Variants in BCKDK observed in about 807,000 individuals in gnomAD.
The protein encoded by BCKDK is branched chain keto acid dehydrogenase kinase.
Under a neutral mutation model 43.9 loss-of-function variants are expected in BCKDK, and 28 were observed. The observed-to-expected ratio is 0.64, with a 90% CI of 0.47 to 0.87. The LOEUF is 0.87. BCKDK is among the 40% of genes least tolerant of loss of function. The pLI is 0.00. For missense variants in BCKDK, 483 were observed against 581.4 expected, an observed-to-expected ratio of 0.83 and a Z score of 1.74; for synonymous variants, 257 against 234.3, an observed-to-expected ratio of 1.10 and a Z score of -0.88.
Position 31,112,021 on chromosome 16 carries a change from T to C in BCKDK, c.1088T>C (p.Met363Thr). 1.9e-6 allele frequency: 3 copies of C among 1,613,980 alleles called. No homozygotes were observed. Among genetic ancestry groups the C allele is most frequent in the Non-Finnish European group, 2.5e-6 (3 of 1,179,992 alleles). Residue 363 changes from methionine (M) to threonine (T), a missense_variant, in exon 11 of 12, where the codon ATG (methionine) becomes ACG (threonine). Met to Thr is a moderately conservative substitution (Grantham distance 81, BLOSUM62 -1). Transcript: ENST00000219794. The surrounding 1 kb of genome is among the most constrained non-coding windows in gnomAD (Gnocchi z 5.0). ...DMHSGAQSGP[M>T]HGFGFGLPTS... The stretch of plus-strand genomic sequence containing the variant: ...CATAGTGGCGCCCAGTCAGGACCCA[T>C]GCACGGGTGAGACCCTGCCAGGCCA...
Position 31,112,696 on chromosome 16 carries a change from G to C in BCKDK, c.*431G>C. On this transcript the variant is annotated 3_prime_UTR_variant, in exon 12 of 12. Coordinates refer to ENST00000219794, the MANE Select transcript of BCKDK (RefSeq NM_005881.4). This position sits in a 1 kb window ranked among gnomAD's most constrained non-coding sequence, Gnocchi z 5.0. ...CTGCCCTGAGAGCCTGGCAGGCCAGGAGTAGAATGGGTCCCAAGTCTGTTG... is the reference window on the plus strand; with the variant it reads ...CTGCCCTGAGAGCCTGGCAGGCCAGCAGTAGAATGGGTCCCAAGTCTGTTG... 2.9e-6 allele frequency: 1 copy of C among 344,816 alleles called. No homozygotes were observed. Among genetic ancestry groups the C allele is most frequent in the Non-Finnish European group, 5.6e-6 (1 of 178,652 alleles). The allele number at this position is 344,816 out of a possible 1,614,324, so 21.4% of individuals were successfully genotyped here. A position where few individuals can be genotyped will look rare whatever the true frequency, so the allele number is the denominator to read the frequency against.
Position 31,109,545 on chromosome 16 carries a change from AC to A in BCKDK, c.231del (p.Tyr77Ter). 1.9e-6 allele frequency: 3 copies of A among 1,614,072 alleles called. No individual in the cohort carries two copies. Among genetic ancestry groups the A allele is most frequent in the Non-Finnish European group, 2.5e-6 (3 of 1,180,006 alleles). On this transcript the variant is annotated frameshift_variant, in exon 3 of 12. Coordinates refer to ENST00000219794, the MANE Select transcript of BCKDK (RefSeq NM_005881.4). LOFTEE classifies it high-confidence loss of function. This position sits in a 1 kb window ranked among gnomAD's most constrained non-coding sequence, Gnocchi z 5.3. ...SVRLTPTMML[Y>X]AGRSQDGSHL... Reference sequence around the variant, plus strand: ...CGCCTAACGCCCACCATGATGCTCTACGCTGGCCGCTCTCAGGACGGCAGCC... The same window carrying A: ...CGCCTAACGCCCACCATGATGCTCTAGCTGGCCGCTCTCAGGACGGCAGCC...
Position 31,110,676 on chromosome 16 carries a change from T to C in BCKDK, c.643-12T>C. 2 of 1,614,018 alleles carry C rather than the reference T, an allele frequency of 1.2e-6. No individual in the cohort carries two copies. The highest frequency in any genetic ancestry group is 1.7e-6 in the Non-Finnish European group (2 of 1,179,954). The stretch of plus-strand genomic sequence containing the variant: ...GGGGCGTGGGTAGTCCTGACCTCCT[T>C]TCTCCGGCCAGCCTGACTTTGTCGG... On this transcript the variant is annotated splice_polypyrimidine_tract_variant and intron_variant, in intron 7 of 11. Coordinates refer to ENST00000219794, the MANE Select transcript of BCKDK (RefSeq NM_005881.4). The surrounding 1 kb of genome is among the most constrained non-coding windows in gnomAD (Gnocchi z 5.4).
Position 31,111,960 on chromosome 16 carries a change from C to G in BCKDK, c.1027C>G (p.Pro343Ala). The G allele has an allele frequency of 6.2e-7, 1 of 1,614,124 alleles. No individual in the cohort carries two copies. The highest frequency in any genetic ancestry group is 8.5e-7 in the Non-Finnish European group (1 of 1,180,030). ...FTTAEASTQD[P>A]RISPLFGHLD... ...TACTGCTGAGGCCAGCACACAGGAC[C>G]CCCGGATCAGCCCCCTCTTTGGCCA... is the stretch of plus-strand genomic sequence containing the variant. The change falls in exon 11 of 12, where the codon CCC becomes GCC. Residue 343 changes from proline (P) to alanine (A), a missense_variant. By Grantham distance (27) the Pro-to-Ala change is conservative (BLOSUM62 -1). Coordinates refer to ENST00000219794, the MANE Select transcript of BCKDK (RefSeq NM_005881.4).
chr16:31,111,971 C>G lies in BCKDK; in HGVS notation c.1038C>G (p.Ser346Arg). Residue 346 changes from serine to arginine, a missense_variant, in exon 11 of 12, where the codon AGC becomes AGG. By Grantham distance (110) the Ser-to-Arg change is moderately radical. Coordinates refer to ENST00000219794, the MANE Select transcript of BCKDK (RefSeq NM_005881.4). Reference protein sequence around the residue: ...AEASTQDPRISPLFGHLDMHS... With the variant: ...AEASTQDPRIRPLFGHLDMHS... ...CCAGCACACAGGACCCCCGGATCAG[C>G]CCCCTCTTTGGCCATCTGGACATGC... 5 of 1,614,148 alleles carry G rather than the reference C, an allele frequency of 3.1e-6. No homozygotes were observed. The highest frequency in any genetic ancestry group is 4.2e-6 in the Non-Finnish European group (5 of 1,180,024).
Position 31,112,642 on chromosome 16 carries a change from T to C in BCKDK, c.*377T>C. The C allele has an allele frequency of 2.6e-6, 1 of 380,278 alleles. No homozygotes were observed. The highest frequency in any genetic ancestry group is 5.1e-6 in the Non-Finnish European group (1 of 197,928). 23.6% of individuals were successfully genotyped at this position (380,278 alleles called of 1,614,324 possible). ...CATTCAGGTTCACTGAGCCCTTGGG[T>C]TGAACTGGTTCGTGTCCCAGTCTCT... On this transcript the variant is annotated 3_prime_UTR_variant, in exon 12 of 12. Coordinates refer to ENST00000219794, the MANE Select transcript of BCKDK (RefSeq NM_005881.4). The surrounding 1 kb of genome is among the most constrained non-coding windows in gnomAD (Gnocchi z 5.0).
chr16:31,112,941 C>T (rs1340763825), downstream of BCKDK: 1 of 163,384 alleles, frequency 6.1e-6, no homozygotes, highest in Admixed American at 5.6e-5. The surrounding 1 kb of genome is among the most constrained non-coding windows in gnomAD (Gnocchi z 5.0). Flanking sequence ...CTTCCCAAGC[C>T]TGAGTAGGTT....
In BCKDK at chr16:31,111,379, C is replaced by G. The variant is rs1376296263; in HGVS notation, c.925C>G (p.Leu309Val). ...VITIANNDVDLIIRISDRGGG... is the reference protein window; with the variant it reads ...VITIANNDVDVIIRISDRGGG... ...CACCATCGCCAACAATGATGTCGAT[C>G]TGATCATCAGGTTTGCCCTGAGTGG... Residue 309 changes from leucine to valine, a missense_variant, in exon 10 of 12, where the codon CTG becomes GTG. Physicochemically the swap from Leu to Val is conservative, Grantham distance 32. Transcript: ENST00000219794. 1 of 1,613,990 alleles carries G rather than the reference C, an allele frequency of 6.2e-7. No individual in the cohort carries two copies. Among genetic ancestry groups the G allele is most frequent in the African/African-American group, 1.3e-5 (1 of 74,930 alleles).
At position 31,109,883 on chromosome 16, in the gene BCKDK, TCAGGGCCACA is replaced by T; in HGVS notation, c.375+105_375+114del. Reference sequence around the variant, plus strand: ...GCAGACGATTGCTTGCCTAAAGGTGTCAGGGCCACACAGGATTCAACCCCAGGCCTTCAGA... The same window carrying T: ...GCAGACGATTGCTTGCCTAAAGGTGTCAGGATTCAACCCCAGGCCTTCAGA... On this transcript the variant is annotated intron_variant, in intron 4 of 11. Transcript: ENST00000219794. This position sits in a 1 kb window ranked among gnomAD's most constrained non-coding sequence, Gnocchi z 5.3. 7.1e-7 allele frequency: 1 copy of T among 1,412,034 alleles called. No homozygotes were observed. Among genetic ancestry groups the T allele is most frequent in the Non-Finnish European group, 9.9e-7 (1 of 1,005,986 alleles). The allele number at this position is 1,412,034 out of a possible 1,614,324, so 87.5% of individuals were successfully genotyped here.
chr16:31,113,128 A>G (rs1389636360), downstream of BCKDK, among the ~76,000 whole-genome samples: 8 of 152,246 alleles, frequency 5.3e-5, no homozygotes, highest in African/African-American at 1.9e-4. Context: ...AGAACTCCAG[A>G]TGACATCTTA....
At chr16:31,116,160 C>A (rs1226442483), downstream of BCKDK, among the ~76,000 whole-genome samples, 2 of 151,772 alleles carry the variant, frequency 1.3e-5, no homozygotes. Context: ...TCGTGATCCA[C>A]CCGCCTAGGC....
In BCKDK at chr16:31,112,489, T is replaced by G; in HGVS notation, c.*224T>G. 1.5e-6 allele frequency: 1 copy of G among 675,230 alleles called. No individual in the cohort carries two copies. The highest frequency in any genetic ancestry group is 2.6e-6 in the Non-Finnish European group (1 of 386,854). The allele number at this position is 675,230 out of a possible 1,614,324, so 41.8% of individuals were successfully genotyped here. On this transcript the variant is annotated 3_prime_UTR_variant, in exon 12 of 12. Coordinates refer to ENST00000219794, the MANE Select transcript of BCKDK (RefSeq NM_005881.4). The surrounding 1 kb of genome is among the most constrained non-coding windows in gnomAD (Gnocchi z 5.0). ...GCAGGGAAGTGGGCACCCTGAGGCC[T>G]CCAGCACCAGTTCCGTCATTCTCGT...
At position 31,110,415 on chromosome 16, in the gene BCKDK, C is replaced by A; in HGVS notation, c.558C>A (p.Val186=). ...ACTCTTTACAGGATGAAAAGCTCGT[C>A]CGCTACTTCTTGGACAAGACGCTGA... ...SRKHIEDEKL[V]RYFLDKTLTS... is the part of the protein sequence containing the mutation. The change falls in exon 7 of 12, where the codon GTC becomes GTA. Residue 186 remains valine, a synonymous_variant. Coordinates refer to ENST00000219794, the MANE Select transcript of BCKDK (RefSeq NM_005881.4). This position sits in a 1 kb window ranked among gnomAD's most constrained non-coding sequence, Gnocchi z 5.4. 6.2e-7 allele frequency: 1 copy of A among 1,613,928 alleles called. No homozygotes were observed. Among genetic ancestry groups the A allele is most frequent in the Non-Finnish European group, 8.5e-7 (1 of 1,180,008 alleles).
At position 31,110,423 on chromosome 16, in the gene BCKDK, T is replaced by G; in HGVS notation, c.566T>G (p.Phe189Cys). The stretch of plus-strand genomic sequence containing the variant: ...CAGGATGAAAAGCTCGTCCGCTACT[T>G]CTTGGACAAGACGCTGACTTCGAGG... Reference protein sequence around the residue: ...HIEDEKLVRYFLDKTLTSRLG... With the variant: ...HIEDEKLVRYCLDKTLTSRLG... Residue 189 changes from phenylalanine (F) to cysteine (C), a missense_variant, in exon 7 of 12, where the codon TTC becomes TGC. By Grantham distance (205) the Phe-to-Cys change is radical (BLOSUM62 -2). Coordinates refer to ENST00000219794, the MANE Select transcript of BCKDK (RefSeq NM_005881.4). This position sits in a 1 kb window ranked among gnomAD's most constrained non-coding sequence, Gnocchi z 5.4. 6.2e-7 allele frequency: 1 copy of G among 1,613,890 alleles called. No individual in the cohort carries two copies. The highest frequency in any genetic ancestry group is 8.5e-7 in the Non-Finnish European group (1 of 1,180,018).
chr16:31,113,299 G>A (rs2057428331), downstream of BCKDK, among the ~76,000 whole-genome samples: 1 of 152,196 alleles, frequency 6.6e-6, no homozygotes, highest in African/African-American at 2.4e-5. Flanking sequence ...ACCCTTCACG[G>A]GGATGGAGGG....
chr16:31,111,779 C>T, intron 10 of BCKDK, 90 bp from the exon 11 acceptor site: 2 of 1,538,704 alleles, frequency 1.3e-6, no homozygotes, highest in Non-Finnish European at 1.8e-6. Context: ...GTGGAAGGAA[C>T]AGGAAGGCAG....
At position 31,111,087 on chromosome 16, in the gene BCKDK, G is replaced by A. The variant is rs200045337; in HGVS notation, c.717-4G>A. 2.2e-5 allele frequency: 35 copies of A among 1,613,868 alleles called. No individual in the cohort carries two copies. The highest frequency in any genetic ancestry group is 4.4e-5 in the South Asian group (4 of 91,066). On this transcript the variant is annotated splice_region_variant and splice_polypyrimidine_tract_variant and intron_variant, in intron 8 of 11. Coordinates refer to ENST00000219794, the MANE Select transcript of BCKDK (RefSeq NM_005881.4). ...CCTGACTGAACCCTCGCTCCTATCC[G>A]CAGACGCCTGTGTGAGCACAAGTAT... is the stretch of plus-strand genomic sequence containing the variant.
At position 31,109,868 on chromosome 16, in the gene BCKDK, G is replaced by C. The variant is rs2057396085; in HGVS notation, c.375+85G>C. 1 of 1,480,814 alleles carries C rather than the reference G, an allele frequency of 6.8e-7. No homozygotes were observed. Among genetic ancestry groups the C allele is most frequent in the East Asian group, 2.3e-5 (1 of 43,842 alleles). 91.7% of individuals were successfully genotyped at this position (1,480,814 alleles called of 1,614,324 possible). The stretch of plus-strand genomic sequence containing the variant: ...CTGGGGCCCAGAGTGGCAGACGATT[G>C]CTTGCCTAAAGGTGTCAGGGCCACA... On this transcript the variant is annotated intron_variant, in intron 4 of 11. Transcript: ENST00000219794. The surrounding 1 kb of genome is among the most constrained non-coding windows in gnomAD (Gnocchi z 5.3).
At chr16:31,117,065 C>T (rs1024794469), downstream of BCKDK, among the ~76,000 whole-genome samples, 1 of 151,794 alleles carries the variant, frequency 6.6e-6, no homozygotes, top group South Asian at 2.1e-4. Flanking sequence ...TCCGCAGGTA[C>T]CAGGGCCTTT....
Sources: gnomAD v4.1 joint callset for allele counts (sites outside exome capture counted in the v4.1 genomes callset) on GRCh38, gnomAD v4.1.1 for gene constraint, Gnocchi (gnomAD v3.1) non-coding constraint, MANE v1.5 for transcripts, NCBI Gene and HGNC (gene_info 2026-07-23, HGNC 2026-07-21) for gene names.